NBR1: variants seen among roughly 807,000 people sequenced by gnomAD.
NBR1 encodes NBR1 autophagy cargo receptor, also known as next to BRCA1 gene 1 protein.
A neutral mutation model predicts 115.5 loss-of-function variants in NBR1; 59 were observed. That is an observed-to-expected ratio of 0.51 (90% CI 0.41 to 0.63). NBR1 has a LOEUF of 0.63. NBR1 is among the 30% of genes least tolerant of loss of function. NBR1 has a pLI of 0.00. For missense variants in NBR1, 1,043 were observed against 1,150.5 expected (o/e 0.91, Z 1.35); for synonymous variants, 373 against 414.7 (o/e 0.90, Z 1.22).
chr17:43,192,667 C>T (rs1481788918), intron 10 of NBR1, among the ~76,000 whole-genome samples: 1 of 152,168 alleles, frequency 6.6e-6, no homozygotes, highest in Non-Finnish European at 1.5e-5. Flanking sequence ...CCGCGCCTGG[C>T]CAAGTTTCGT....
intron 8 of NBR1, 193 bp from the exon 9 acceptor site, chr17:43,190,416 A>T: frequency 1.7e-6 from 1 of 593,804 alleles, no homozygotes; most frequent in Non-Finnish European, 3.0e-6. Flanking sequence ...ATTTTCATTT[A>T]AAATGGATAT....
intron 14 of NBR1, 46 bp from the exon 15 acceptor site, chr17:43,196,435 A>G (rs2057068992): frequency 1.7e-6 from 2 of 1,185,304 alleles, no homozygotes; most frequent in Admixed American, 5.8e-5. Flanking sequence ...TGTTGATGAT[A>G]TGATGCTTTC....
rs117931377 is a variant in NBR1, at chr17:43,183,188, C to T, written c.207+2371C>T. ...GATTAGAGGTGTGAGCCATCACGCC[C>T]GGCCTCTTTTTTTCTTTGACGTGTG... On this transcript the variant is annotated intron_variant, in intron 5 of 20. Transcript: ENST00000590996. Among the ~76,000 whole-genome samples, 1,701 of 151,624 alleles carry T rather than the reference C, an allele frequency of 0.011. 104 individuals are homozygous for T. In the East Asian group the frequency reaches 0.19, roughly 17 times the overall value.
rs1433576895 is a variant in NBR1 at position 43,200,519 on chromosome 17, C to G, written c.2379C>G (p.His793Gln). Residue 793 changes from histidine (H) to glutamine (Q), a missense_variant, in exon 17 of 21, where the codon CAC becomes CAG. His to Gln is a conservative substitution (Grantham distance 24, BLOSUM62 0). Transcript: ENST00000590996. Reference sequence around the variant, plus strand: ...GAGGGGAGAACCAGCCACAGGAGCACAGCATAAGTGACATCCTCACGACCT... The same window carrying G: ...GAGGGGAGAACCAGCCACAGGAGCAGAGCATAAGTGACATCCTCACGACCT... ...LPGGENQPQE[H>Q]SISDILTTSQ... 6.2e-7 allele frequency: 1 copy of G among 1,613,890 alleles called. No homozygotes were observed. The highest frequency in any genetic ancestry group is 8.5e-7 in the Non-Finnish European group (1 of 1,179,902).
At chr17:43,177,287 A>AG (rs1468480454) in intron 2 of NBR1, among the ~76,000 whole-genome samples, 1 of 147,396 alleles carries the variant, frequency 6.8e-6, no homozygotes, top group East Asian at 1.9e-4. Flanking sequence ...AAAAAAAAAA[A>AG]AGATATTTTT....
At chr17:43,190,429 G>C (rs1317699370) in intron 8 of NBR1, 180 bp from the exon 9 acceptor site, 3 of 641,962 alleles carry the variant, frequency 4.7e-6, no homozygotes, top group Non-Finnish European at 8.3e-6. Flanking sequence ...ATGGATATGG[G>C]TTAAGTGTTA....
At chr17:43,177,857 CTT>C in intron 2 of NBR1, 77 bp from the exon 3 acceptor site, 1 of 1,227,116 alleles carries the variant, frequency 8.1e-7, no homozygotes, top group African/African-American at 1.5e-5. Flanking sequence ...TGTTGTTTGT[CTT>C]TTGATTTTGT....
chr17:43,190,364 G>A (rs59166794), intron 8 of NBR1: 4 of 485,796 alleles, frequency 8.2e-6, no homozygotes, highest in East Asian at 8.4e-5. Context: ...GAGCCACTGT[G>A]CCTGGCCCCA....
At chr17:43,204,135 T>TCAAAA (rs905469239) in intron 20 of NBR1, among the ~76,000 whole-genome samples, 2 of 152,002 alleles carry the variant, frequency 1.3e-5, no homozygotes, top group African/African-American at 4.8e-5. Context: ...AGACGATGTT[T>TCAAAA]CACCGTGTTA....
chr17:43,200,416 G>T lies in NBR1; in HGVS notation c.2276G>T (p.Gly759Val), dbSNP rs772716033. ...TACAGCTCTGCGCTCTCACAGCCAG[G>T]CCTGGAGCGAGGTGCTGAAGGCAAG... ...SMYSSALSQP[G>V]LERGAEGKPG... The change falls in exon 17 of 21, where the codon GGC becomes GTC. Residue 759 changes from glycine to valine, a missense_variant. Physicochemically the swap from Gly to Val is moderately radical, Grantham distance 109. Coordinates refer to ENST00000590996, the MANE Select transcript of NBR1 (RefSeq NM_005899.5). The T allele has an allele frequency of 4.9e-5, 79 of 1,608,198 alleles. No homozygotes were observed. The highest frequency in any genetic ancestry group is 3.3e-4 in the Middle Eastern group (2 of 6,078).
Position 43,193,646 on chromosome 17 carries a change from T to C in NBR1, c.1524+8T>C, listed in dbSNP as rs777597340. ...CTCACCTGCCAGCAAGAGGTGAGCA[T>C]TGACTGACAGGCTTTGGCCTAGTAT... On this transcript the variant is annotated splice_region_variant and intron_variant, in intron 12 of 20. Coordinates refer to ENST00000590996, the MANE Select transcript of NBR1 (RefSeq NM_005899.5). The C allele has an allele frequency of 9.4e-6, 15 of 1,601,424 alleles. No homozygotes were observed. In the East Asian group the frequency reaches 2.0e-4, roughly 22 times the overall value.
chr17:43,170,443 C>G (rs1298827712), upstream of NBR1: 2 of 154,040 alleles, frequency 1.3e-5, no homozygotes, highest in Admixed American at 6.5e-5. Flanking sequence ...CGCCCGCCCT[C>G]TCGCCTCTAC....
intron 6 of NBR1, 121 bp from the exon 7 acceptor site, chr17:43,188,921 T>G: frequency 1.4e-6 from 1 of 711,958 alleles, no homozygotes; most frequent in South Asian, 1.8e-5. Context: ...ATACTGTGAC[T>G]TTTTAAAAAA....
intron 6 of NBR1, among the ~76,000 whole-genome samples, chr17:43,187,959 G>A (rs1283400118): frequency 7.3e-6 from 1 of 136,772 alleles, no homozygotes; most frequent in South Asian, 2.3e-4. Flanking sequence ...GGTGCAATCC[G>A]GGCTCACTGC....
chr17:43,182,520 CTA>C (rs958131654), intron 5 of NBR1, among the ~76,000 whole-genome samples: 10 of 151,100 alleles, frequency 6.6e-5, no homozygotes, highest in African/African-American at 2.4e-4. Context: ...TGTGCACAGC[CTA>C]TGTCACTCTG....
chr17:43,170,564 G>T (rs2056327024), upstream of NBR1: 1 of 153,082 alleles, frequency 6.5e-6, no homozygotes, highest in Non-Finnish European at 1.5e-5. Flanking sequence ...CTTAAGAAGA[G>T]GTCCCATTAC....
At chr17:43,204,891 T>G (rs2057283439) in intron 20 of NBR1, among the ~76,000 whole-genome samples, 1 of 151,062 alleles carries the variant, frequency 6.6e-6, no homozygotes, top group Admixed American at 6.6e-5. Flanking sequence ...GAGGATCACT[T>G]GAGCACCGGA....
At chr17:43,198,907 G>GCT (rs2057129653) in intron 16 of NBR1, among the ~76,000 whole-genome samples, 1 of 152,224 alleles carries the variant, frequency 6.6e-6, no homozygotes, top group East Asian at 1.9e-4. Flanking sequence ...AGCTTGCAGT[G>GCT]AGCTGAGATC....
intron 16 of NBR1, among the ~76,000 whole-genome samples, chr17:43,197,412 G>A (rs980706774): frequency 5.3e-5 from 8 of 151,948 alleles, no homozygotes; most frequent in East Asian, 3.9e-4. Context: ...CCAGCTACTC[G>A]GGAGGCTGAG....
Sources: allele counts gnomAD v4.1 joint callset (sites outside exome capture counted in the v4.1 genomes callset), GRCh38; gene constraint gnomAD v4.1.1; transcripts MANE v1.5; gene names NCBI Gene and HGNC (gene_info 2026-07-23, HGNC 2026-07-21).